The following SNX9 variants were observed in gnomAD, a reference collection of about 807,000 sequenced individuals.
SNX9 encodes the protein sorting nexin 9.
A neutral mutation model predicts 89.4 loss-of-function variants in SNX9; 44 were observed. The observed-to-expected ratio is 0.49, with a 90% CI of 0.39 to 0.63. The LOEUF (loss-of-function observed/expected upper bound fraction) is 0.63, where lower values mean the gene tolerates loss of function less well. SNX9 is among the 30% of genes least tolerant of loss of function. The pLI, the probability that SNX9 is intolerant of heterozygous loss-of-function variation, is 0.00. For synonymous variants in SNX9, 236 were observed against 247.8 expected, an observed-to-expected ratio of 0.95 and a Z score of 0.45; for missense variants, 578 against 736.1, an observed-to-expected ratio of 0.79 and a Z score of 2.49.
chr6:157,873,191 T>G lies in SNX9; in HGVS notation c.174+15T>G, dbSNP rs1176393682. ...ACTACGTTGAAGTAAGAGCTTCCTG[T>G]CATTCATTCATTAGAGCTCATCTTT... is the stretch of plus-strand genomic sequence containing the variant. On this transcript the variant is annotated intron_variant, in intron 3 of 17. Coordinates refer to ENST00000392185, the MANE Select transcript of SNX9 (RefSeq NM_016224.5). 1 of 1,565,828 alleles carries G rather than the reference T, an allele frequency of 6.4e-7. No individual in the cohort carries two copies.
chr6:157,871,239 G>A (rs182220680), intron 2 of SNX9, among the ~76,000 whole-genome samples: 1 of 152,160 alleles, frequency 6.6e-6, no homozygotes, highest in Admixed American at 6.5e-5. Flanking sequence ...AATTTAGCCG[G>A]GTGTGGTAGT....
intron 2 of SNX9, among the ~76,000 whole-genome samples, chr6:157,869,979 C>T (rs1054248051): frequency 3.9e-5 from 6 of 152,056 alleles, no homozygotes; most frequent in Non-Finnish European, 5.9e-5. Context: ...CTTACACACA[C>T]GTACCTTCTC....
chr6:157,928,022 C>T (rs1189931585), intron 11 of SNX9, among the ~76,000 whole-genome samples: 1 of 152,132 alleles, frequency 6.6e-6, no homozygotes, highest in East Asian at 1.9e-4. Flanking sequence ...AAATCCTCCT[C>T]TGTACGTATG....
chr6:157,924,207 A>G (rs891495517), intron 10 of SNX9, among the ~76,000 whole-genome samples: 1 of 151,962 alleles, frequency 6.6e-6, no homozygotes. Context: ...AAATATATAT[A>G]AATATATATA....
intron 1 of SNX9, among the ~76,000 whole-genome samples, chr6:157,838,392 C>G (rs1336166893): frequency 1.3e-5 from 2 of 151,766 alleles, no homozygotes; most frequent in Non-Finnish European, 2.9e-5. Flanking sequence ...ATTTTTCTAT[C>G]CAGAGAATTT....
intron 1 of SNX9, among the ~76,000 whole-genome samples, chr6:157,866,538 C>CTT (rs1414706795): frequency 6.6e-6 from 1 of 152,158 alleles, no homozygotes; most frequent in East Asian, 1.9e-4. Context: ...GGCACCACTG[C>CTT]ACTCCAGCCT....
chr6:157,879,178 C>T (rs73573873), intron 4 of SNX9, among the ~76,000 whole-genome samples: 4,561 of 152,252 alleles, frequency 0.03, 225 homozygotes, highest in African/African-American at 0.1. Context: ...CAGATCTGCT[C>T]GCAGAACGCA....
intron 2 of SNX9, among the ~76,000 whole-genome samples, chr6:157,868,623 A>G (rs1232746928): frequency 6.6e-6 from 1 of 152,234 alleles, no homozygotes; most frequent in Non-Finnish European, 1.5e-5. Context: ...TCTGTGTGAT[A>G]CTTGTCTCAT....
intron 1 of SNX9, among the ~76,000 whole-genome samples, chr6:157,851,748 C>T (rs150843470): frequency 1.3e-4 from 20 of 152,206 alleles, no homozygotes; most frequent in Admixed American, 7.2e-4. Context: ...CGCTACCACA[C>T]CCAGCTAATT....
intron 1 of SNX9, among the ~76,000 whole-genome samples, chr6:157,848,832 G>A (rs954539528): frequency 2.0e-5 from 3 of 152,340 alleles, no homozygotes; most frequent in East Asian, 1.9e-4. Flanking sequence ...GGATAGATAC[G>A]TAACCGATTT....
intron 9 of SNX9, among the ~76,000 whole-genome samples, chr6:157,911,807 G>C (rs1285249145): frequency 2.0e-5 from 3 of 152,166 alleles, no homozygotes; most frequent in African/African-American, 7.2e-5. Context: ...GTTTTGTGGA[G>C]ATGGAAACTT....
intron 1 of SNX9, among the ~76,000 whole-genome samples, chr6:157,844,266 A>G (rs1781757325): frequency 1.3e-5 from 2 of 152,160 alleles, no homozygotes; most frequent in African/African-American, 2.4e-5. Flanking sequence ...GAGTTTTATT[A>G]TTACTCAAAT....
intron 7 of SNX9, among the ~76,000 whole-genome samples, chr6:157,908,520 G>A (rs999702262): frequency 6.6e-6 from 1 of 152,164 alleles, no homozygotes; most frequent in Non-Finnish European, 1.5e-5. Flanking sequence ...ATCTGTCATT[G>A]TGATCAAAGT....
At chr6:157,892,317 G>A (rs1412393381) in intron 4 of SNX9, among the ~76,000 whole-genome samples, 1 of 152,200 alleles carries the variant, frequency 6.6e-6, no homozygotes, top group Non-Finnish European at 1.5e-5. Context: ...ACAGTTAAGA[G>A]GGGAAGGGAC....
chr6:157,899,419 T>G (rs1445737151), intron 5 of SNX9, among the ~76,000 whole-genome samples: 3 of 152,188 alleles, frequency 2.0e-5, no homozygotes, highest in Non-Finnish European at 4.4e-5. Flanking sequence ...AGAAGTCTTT[T>G]CTACTGTGTA....
Position 157,823,829 on chromosome 6 carries a change from C to T in SNX9, c.12+383C>T, listed in dbSNP as rs1781287157. 6.6e-6 allele frequency among the ~76,000 whole-genome samples: 1 copy of T among 151,974 alleles called. No homozygotes were observed. Among genetic ancestry groups the T allele is most frequent in the African/African-American group, 2.4e-5 (1 of 41,406 alleles). On this transcript the variant is annotated intron_variant, in intron 1 of 17. Transcript: ENST00000392185. The surrounding 1 kb of genome is among the most constrained non-coding windows in gnomAD (Gnocchi z 4.6). ...GCGACTGGCGCTCTGTGGCGTCCGG[C>T]GTCCCCGCCGCCCCCACGTCCCCTC...
intron 4 of SNX9, among the ~76,000 whole-genome samples, chr6:157,884,586 C>T (rs1363404879): frequency 6.6e-6 from 1 of 152,076 alleles, no homozygotes; most frequent in Non-Finnish European, 1.5e-5. Context: ...CATCTCTTCA[C>T]TCTCACTCCC....
At chr6:157,891,436 G>T (rs1199855273) in intron 4 of SNX9, among the ~76,000 whole-genome samples, 1 of 152,044 alleles carries the variant, frequency 6.6e-6, no homozygotes, top group East Asian at 1.9e-4. Flanking sequence ...TATACATAAG[G>T]CAAAGTCTTA....
intron 5 of SNX9, among the ~76,000 whole-genome samples, chr6:157,897,777 A>G (rs943174156): frequency 6.6e-6 from 1 of 152,080 alleles, no homozygotes; most frequent in Non-Finnish European, 1.5e-5. Context: ...CAGCCTCCCA[A>G]AGTGCTGGGA....
Sources: allele counts gnomAD v4.1 joint callset (sites outside exome capture counted in the v4.1 genomes callset), GRCh38; gene constraint gnomAD v4.1.1; non-coding constraint Gnocchi (gnomAD v3.1); transcripts MANE v1.5; gene names NCBI Gene and HGNC (gene_info 2026-07-23, HGNC 2026-07-21).